SLC35F2: variants seen among roughly 807,000 people sequenced by gnomAD.
SLC35F2 encodes solute carrier family 35 member F2.
A neutral mutation model predicts 38.1 loss-of-function variants in SLC35F2; 25 were observed. The observed-to-expected ratio is 0.66, with a 90% confidence interval of 0.48 to 0.92. The LOEUF (loss-of-function observed/expected upper bound fraction) is 0.92. Among genes scored for constraint, SLC35F2 ranks in the 40% least tolerant of loss-of-function variants. The pLI, the probability that SLC35F2 is intolerant of heterozygous loss-of-function variation, is 0.00. For missense variants in SLC35F2, 409 were observed against 452.9 expected, an observed-to-expected ratio of 0.90 and a Z score of 0.88; for synonymous variants, 173 against 181.7, an observed-to-expected ratio of 0.95 and a Z score of 0.38.
chr11:107,823,092 T>C, intron 1 of SLC35F2: 1 of 954,804 alleles, frequency 1.0e-6, no homozygotes, highest in South Asian at 4.8e-5. Flanking sequence ...TGATTATATA[T>C]TTAAAAATCA....
chr11:107,831,782 C>T (rs1267229597), intron 1 of SLC35F2, among the ~76,000 whole-genome samples: 1 of 152,176 alleles, frequency 6.6e-6, no homozygotes, highest in African/African-American at 2.4e-5. Context: ...TCTCCAGAGA[C>T]TGGTCACTAC....
intron 7 of SLC35F2, among the ~76,000 whole-genome samples, chr11:107,800,630 G>GC (rs1029530929): frequency 6.6e-6 from 1 of 152,112 alleles, no homozygotes; most frequent in African/African-American, 2.4e-5. Flanking sequence ...GGAGTGCAGT[G>GC]GTGTGATCAG....
At chr11:107,804,080 C>T (rs1489118996) in intron 6 of SLC35F2, among the ~76,000 whole-genome samples, 1 of 151,702 alleles carries the variant, frequency 6.6e-6, no homozygotes, top group Admixed American at 6.6e-5. Flanking sequence ...TCATGATCCA[C>T]CCACCTCAGC....
chr11:107,804,798 A>G (rs1185210001), intron 5 of SLC35F2, 28 bp from the exon 6 acceptor site: 5 of 1,557,824 alleles, frequency 3.2e-6, no homozygotes, highest in Non-Finnish European at 4.4e-6. Flanking sequence ...GGTCACAGAG[A>G]GGTCCACATA....
chr11:107,824,142 T>C (rs116643505), intron 1 of SLC35F2, among the ~76,000 whole-genome samples: 1,883 of 152,140 alleles, frequency 0.012, 57 homozygotes, highest in African/African-American at 0.044. Context: ...AAACTCAAAG[T>C]AGCTAAAAAA....
At chr11:107,853,009 CA>C (rs978788812) in intron 1 of SLC35F2, among the ~76,000 whole-genome samples, 1 of 152,040 alleles carries the variant, frequency 6.6e-6, no homozygotes, top group African/African-American at 2.4e-5. Flanking sequence ...GGCTCCATCT[CA>C]AAAAAACAAA....
chr11:107,828,844 T>C (rs12291200), intron 1 of SLC35F2, among the ~76,000 whole-genome samples: 8,744 of 152,098 alleles, frequency 0.057, 509 homozygotes, highest in African/African-American at 0.15. Context: ...CAGTGACTCA[T>C]GCCTGTAATC....
At chr11:107,802,717 G>GT (rs1859329451) in intron 7 of SLC35F2, among the ~76,000 whole-genome samples, 1 of 152,168 alleles carries the variant, frequency 6.6e-6, no homozygotes, top group Non-Finnish European at 1.5e-5. Context: ...GGGCCAGCTT[G>GT]TTTATCACCT....
intron 7 of SLC35F2, among the ~76,000 whole-genome samples, chr11:107,799,867 CTTTT>C (rs771657190): frequency 1.4e-5 from 2 of 142,782 alleles, no homozygotes; most frequent in African/African-American, 5.2e-5. Context: ...CACACTTTGG[CTTTT>C]TTTTTGTTTT....
intron 1 of SLC35F2, chr11:107,821,429 G>A (rs974214354): frequency 7.1e-5 from 70 of 985,214 alleles, no homozygotes; most frequent in Non-Finnish European, 3.0e-5. Context: ...CTATAATAGA[G>A]GAGTAGGAGA....
At chr11:107,825,579 C>T (rs1859742624) in intron 1 of SLC35F2, among the ~76,000 whole-genome samples, 1 of 152,068 alleles carries the variant, frequency 6.6e-6, no homozygotes, top group Admixed American at 6.6e-5. Flanking sequence ...CCATGTTGGT[C>T]AGGCTGGTCT....
chr11:107,848,284 G>A (rs1194059895), intron 1 of SLC35F2, among the ~76,000 whole-genome samples: 1 of 152,152 alleles, frequency 6.6e-6, no homozygotes, highest in Non-Finnish European at 1.5e-5. Flanking sequence ...AAAAAGGAGA[G>A]AAGGGTGAGG....
intron 1 of SLC35F2, among the ~76,000 whole-genome samples, chr11:107,857,192 C>G: frequency 9.1e-6 from 1 of 109,860 alleles, no homozygotes; most frequent in Admixed American, 1.3e-4. Context: ...CCAAGACGGA[C>G]GGACACGGAC....
chr11:107,840,269 G>A (rs1389443824), intron 1 of SLC35F2, among the ~76,000 whole-genome samples: 2 of 152,184 alleles, frequency 1.3e-5, no homozygotes, highest in East Asian at 3.8e-4. Context: ...TAAACGTGCT[G>A]CCATTTCACA....
intron 1 of SLC35F2, among the ~76,000 whole-genome samples, chr11:107,824,674 G>A (rs1330590961): frequency 6.6e-6 from 1 of 152,176 alleles, no homozygotes; most frequent in Non-Finnish European, 1.5e-5. Flanking sequence ...TTAAGTGAGT[G>A]TAATACCACC....
At chr11:107,845,253 T>A (rs580100) in intron 1 of SLC35F2, among the ~76,000 whole-genome samples, 1 of 152,022 alleles carries the variant, frequency 6.6e-6, no homozygotes, top group Non-Finnish European at 1.5e-5. Context: ...TTAGACTGAA[T>A]AAACAGAATC....
At chr11:107,810,381 CA>C in intron 3 of SLC35F2, 1 of 985,150 alleles carries the variant, frequency 1.0e-6, no homozygotes. Flanking sequence ...TGCACCAATT[CA>C]AAACTTTTTA....
intron 1 of SLC35F2, chr11:107,823,916 A>G: frequency 1.2e-6 from 1 of 828,094 alleles, no homozygotes; most frequent in Admixed American, 7.7e-5. Flanking sequence ...GCGACATAAC[A>G]AGACAGTCTC....
chr11:107,847,345 G>A (rs7945842), intron 1 of SLC35F2, among the ~76,000 whole-genome samples: 4,882 of 152,198 alleles, frequency 0.032, 240 homozygotes, highest in African/African-American at 0.11. Flanking sequence ...GCAACCTCAC[G>A]CAGTCTACTA....
Sources: gnomAD v4.1 joint callset for allele counts (sites outside exome capture counted in the v4.1 genomes callset) on GRCh38, gnomAD v4.1.1 for gene constraint, MANE v1.5 for transcripts, NCBI Gene and HGNC (gene_info 2026-07-23, HGNC 2026-07-21) for gene names.